Variants in GOT2 observed in about 807,000 individuals in gnomAD.
The protein encoded by GOT2 is aspartate aminotransferase, mitochondrial.
In GOT2, 17 loss-of-function variants were observed where a neutral mutation model predicts 50.0. The observed-to-expected ratio is 0.34, with a 90% CI of 0.23 to 0.51. The LOEUF is 0.51. Ranked by LOEUF, GOT2 falls within the 20% of genes least tolerant of loss-of-function variation. GOT2 has a pLI of 0.97. For missense variants in GOT2, 430 were observed against 559.6 expected, an observed-to-expected ratio of 0.77 and a Z score of 2.34; for synonymous variants, 172 against 204.9, an observed-to-expected ratio of 0.84 and a Z score of 1.37.
intron 8 of GOT2, among the ~76,000 whole-genome samples, chr16:58,714,553 A>T (rs887819873): frequency 6.8e-6 from 1 of 146,380 alleles, no homozygotes; most frequent in South Asian, 2.1e-4. Context: ...CTCCGTCTCA[A>T]AAAAAAAAAA....
chr16:58,715,796 C>T (rs2044687365), intron 8 of GOT2, among the ~76,000 whole-genome samples: 1 of 152,168 alleles, frequency 6.6e-6, no homozygotes, highest in African/African-American at 2.4e-5. Flanking sequence ...AGGTGATCCA[C>T]CTGCCTCGGC....
At position 58,723,154 on chromosome 16, in the gene GOT2, A is replaced by G. The variant is rs540403788; in HGVS notation, c.246+592T>C. 2.6e-5 allele frequency among the ~76,000 whole-genome samples: 4 copies of G among 152,342 alleles called. No individual in the cohort carries two copies. In the South Asian group the frequency reaches 8.3e-4, roughly 32 times the overall value. ...AAGTGTGAATGAGGGAATGTACAAT[A>G]GTGCTTGGTAGTGATGCAGGTTGCA... On this transcript the variant is annotated intron_variant, in intron 2 of 9. Transcript: ENST00000245206.
At chr16:58,733,987 G>C (rs941572065) in intron 1 of GOT2, 153 bp downstream of exon 1, 9 of 412,760 alleles carry the variant, frequency 2.2e-5, no homozygotes, top group Non-Finnish European at 3.8e-5. Flanking sequence ...TCCCCAGTAA[G>C]GGAAAGCCGA....
rs114137819 is a variant in GOT2 at position 58,709,850 on chromosome 16, A to G, written c.1020-283T>C. ...AACTTCATGATGGCACAAATGCAATATACATTCAATAGAAACCGTACTTTA... is the reference window on the plus strand; with the variant it reads ...AACTTCATGATGGCACAAATGCAATGTACATTCAATAGAAACCGTACTTTA... On this transcript the variant is annotated intron_variant, in intron 8 of 9. Transcript: ENST00000245206. Among the ~76,000 whole-genome samples the G allele has an allele frequency of 8.1e-3, 1,229 of 152,352 alleles. 18 individuals are homozygous for G. Among genetic ancestry groups the G allele is most frequent in the African/African-American group, 0.028 (1,179 of 41,570 alleles).
chr16:58,725,557 T>A (rs557690501), intron 1 of GOT2, among the ~76,000 whole-genome samples: 20 of 152,344 alleles, frequency 1.3e-4, no homozygotes, highest in Non-Finnish European at 2.1e-4. Flanking sequence ...AAGCATAATT[T>A]AAAATTTATA....
At chr16:58,727,556 G>T (rs1477354070) in intron 1 of GOT2, among the ~76,000 whole-genome samples, 1 of 152,072 alleles carries the variant, frequency 6.6e-6, no homozygotes, top group African/African-American at 2.4e-5. Context: ...ACACTGTGGT[G>T]ATCAGCAGAG....
rs752694252 is a variant in GOT2 at position 58,718,274 on chromosome 16, A to C, written c.624T>G (p.Leu208=). The C allele has an allele frequency of 6.8e-6, 11 of 1,614,066 alleles. No individual in the cohort carries two copies. The highest frequency in any genetic ancestry group is 3.3e-5 in the South Asian group (3 of 91,078). Residue 208 remains leucine (L), a synonymous_variant, in exon 6 of 10, where the codon CTT becomes CTG. Coordinates refer to ENST00000245206, the MANE Select transcript of GOT2 (RefSeq NM_002080.4). The part of the protein sequence containing the change: ...ISKIPEQSVL[L]LHACAHNPTG... ...TGGGATTGTGGGCGCAGGCATGCAG[A>C]AGAAGAACACTCTGCTCTGGTATTT...
intron 1 of GOT2, among the ~76,000 whole-genome samples, chr16:58,732,308 G>GA (rs879356343): frequency 6.5e-4 from 93 of 143,390 alleles, no homozygotes; most frequent in East Asian, 1.4e-3. Flanking sequence ...TGTATTTAAA[G>GA]AAAAAAAAAA....
intron 3 of GOT2, among the ~76,000 whole-genome samples, chr16:58,720,803 C>T (rs1219213975): frequency 6.6e-6 from 1 of 152,046 alleles, no homozygotes; most frequent in African/African-American, 2.4e-5. Context: ...TCAGGCTGGT[C>T]TCGAACTCCT....
At chr16:58,730,607 C>T (rs1461424630) in intron 1 of GOT2, among the ~76,000 whole-genome samples, 1 of 152,146 alleles carries the variant, frequency 6.6e-6, no homozygotes, top group Non-Finnish European at 1.5e-5. Flanking sequence ...TCAAGTGATC[C>T]TCCTACCTTA....
intron 8 of GOT2, 67 bp from the exon 9 acceptor site, chr16:58,709,634 C>T: frequency 1.4e-6 from 2 of 1,403,294 alleles, no homozygotes; most frequent in East Asian, 4.6e-5. Flanking sequence ...GAGTTCACTG[C>T]ATTTTTACCT....
rs554628692 is a variant in GOT2, at chr16:58,707,807, C to T, written c.*364G>A. ...CTAGGCCTTCTCTCAAAGCCTCTAA[C>T]GTGTGCTGTTTCTCACGAGGAACCT... On this transcript the variant is annotated 3_prime_UTR_variant, in exon 10 of 10. Coordinates refer to ENST00000245206, the MANE Select transcript of GOT2 (RefSeq NM_002080.4). 92 of 167,880 alleles carry T rather than the reference C, an allele frequency of 5.5e-4. No individual in the cohort carries two copies. In the Middle Eastern group the frequency reaches 0.011, roughly 21 times the overall value. The allele number at this position is 167,880 out of a possible 1,614,324, so 10.4% of individuals were successfully genotyped here.
chr16:58,727,145 C>T (rs1429109781), intron 1 of GOT2, among the ~76,000 whole-genome samples: 1 of 152,116 alleles, frequency 6.6e-6, no homozygotes, highest in Non-Finnish European at 1.5e-5. Context: ...TAGAGCAAGA[C>T]TCCGTCTCAA....
rs1322051634 is a variant in GOT2 at position 58,709,219 on chromosome 16, C to T, written c.1170+198G>A. 8.2e-6 allele frequency: 4 copies of T among 487,624 alleles called. No homozygotes were observed. The Admixed American group carries it at 1.4e-4, about 17-fold the overall frequency. 30.2% of individuals were successfully genotyped at this position (487,624 alleles called of 1,614,324 possible). A position where few individuals can be genotyped will look rare whatever the true frequency, so the allele number is the denominator to read the frequency against. ...TGGAGGTTGCAGTGAGCTGAGATTGCACCACTGCACTCCAGCCTGGGTTTC... is the reference window on the plus strand; with the variant it reads ...TGGAGGTTGCAGTGAGCTGAGATTGTACCACTGCACTCCAGCCTGGGTTTC... On this transcript the variant is annotated intron_variant, in intron 9 of 9. Coordinates refer to ENST00000245206, the MANE Select transcript of GOT2 (RefSeq NM_002080.4).
intron 1 of GOT2, among the ~76,000 whole-genome samples, chr16:58,728,072 T>G (rs1191071241): frequency 6.6e-6 from 1 of 152,196 alleles, no homozygotes; most frequent in Non-Finnish European, 1.5e-5. Context: ...AGAGTTTAAT[T>G]CATGCTCCCT....
At chr16:58,721,047 A>G (rs2044736020) in intron 3 of GOT2, among the ~76,000 whole-genome samples, 1 of 152,230 alleles carries the variant, frequency 6.6e-6, no homozygotes, top group Non-Finnish European at 1.5e-5. Context: ...GACTGTATGG[A>G]CAGAACTAAA....
At chr16:58,713,377 A>G (rs534110441) in intron 8 of GOT2, among the ~76,000 whole-genome samples, 116 of 152,134 alleles carry the variant, frequency 7.6e-4, no homozygotes, top group African/African-American at 2.7e-3. Flanking sequence ...GGTGGCTCAC[A>G]GCTGTAATCC....
rs2044613789 is a variant in GOT2 at position 58,707,560 on chromosome 16, T to C, written c.*611A>G. On this transcript the variant is annotated 3_prime_UTR_variant, in exon 10 of 10. Transcript: ENST00000245206. ...AGTAGAATGGGATGAAAATCTGCAA[T>C]AGTTAAAAAATCTTTGCGTGTAAGG... The C allele has an allele frequency of 6.6e-6, 1 of 152,156 alleles. No individual in the cohort carries two copies. The highest frequency in any genetic ancestry group is 6.5e-5 in the Admixed American group (1 of 15,272). 9.4% of individuals were successfully genotyped at this position (152,156 alleles called of 1,614,324 possible). A position where few individuals can be genotyped will look rare whatever the true frequency, so the allele number is the denominator to read the frequency against.
At chr16:58,728,969 G>C (rs73550815) in intron 1 of GOT2, among the ~76,000 whole-genome samples, 6,307 of 152,232 alleles carry the variant, frequency 0.041, 387 homozygotes, top group East Asian at 0.29. Flanking sequence ...TTACAGGCGT[G>C]AGCTACCGCA....
Sources: allele counts gnomAD v4.1 joint callset (sites outside exome capture counted in the v4.1 genomes callset), GRCh38; gene constraint gnomAD v4.1.1; transcripts MANE v1.5; gene names NCBI Gene and HGNC (gene_info 2026-07-23, HGNC 2026-07-21).